The following MAP6 variants were observed in gnomAD, a reference collection of about 807,000 sequenced individuals.
MAP6 encodes microtubule-associated protein 6.
Under a neutral mutation model 42.4 loss-of-function variants are expected in MAP6, and 26 were observed. The observed-to-expected ratio is 0.61, with a 90% CI of 0.45 to 0.85. MAP6 has a LOEUF of 0.85. Among genes scored for constraint, MAP6 ranks in the 40% least tolerant of loss-of-function variants. The probability of loss-of-function intolerance (pLI) is 0.00; values close to 1 mark genes in which losing one functional copy is unlikely to be tolerated. For missense variants in MAP6, 966 were observed against 1,099.0 expected (o/e 0.88, Z 1.71); for synonymous variants, 418 against 443.8 (o/e 0.94, Z 0.73).
At chr11:75,621,325 A>G (rs773836065) in intron 1 of MAP6, among the ~76,000 whole-genome samples, 38 of 152,118 alleles carry the variant, frequency 2.5e-4, no homozygotes, top group Non-Finnish European at 4.0e-4. Context: ...AAAAAAAAAG[A>G]AAGAAAGAAA....
intron 3 of MAP6, chr11:75,603,165 A>C: frequency 4.1e-6 from 4 of 985,532 alleles, no homozygotes; most frequent in Non-Finnish European, 4.8e-6. Context: ...TGCTGAGGGA[A>C]GCCAATGCGC....
intron 1 of MAP6, among the ~76,000 whole-genome samples, chr11:75,617,419 G>A (rs1395206445): frequency 6.6e-6 from 1 of 150,764 alleles, no homozygotes; most frequent in Non-Finnish European, 1.5e-5. Flanking sequence ...AGGAGGCTGA[G>A]GCAGGAGAAT....
chr11:75,668,198 C>T lies in MAP6; in HGVS notation c.172G>A (p.Ala58Thr), dbSNP rs1317256927. 2 of 1,256,450 alleles carry T rather than the reference C, an allele frequency of 1.6e-6. No homozygotes were observed. The highest frequency in any genetic ancestry group is 4.3e-5 in the Admixed American group (1 of 23,172). 77.8% of individuals were successfully genotyped at this position (1,256,450 alleles called of 1,614,324 possible). A position where few individuals can be genotyped will look rare whatever the true frequency, so the allele number is the denominator to read the frequency against. The change falls in exon 1 of 4, where the codon GCG (alanine) becomes ACG (threonine). Residue 58 changes from alanine (A) to threonine (T), a missense_variant. Around this residue, in one of 2 missense-constraint regions of MAP6, gnomAD observed 943 missense variants for 1,049.9 expected, o/e 0.90. Coordinates refer to ENST00000304771, the MANE Select transcript of MAP6 (RefSeq NM_033063.2). ...GCAACCGCGCGCGCCGAGGGGGGCG[C>T]GAGCGCCGGCTGCGCCTGCTGCTGC... ...PPQQQAQPAL[A>T]PPSARAVAIE...
intron 2 of MAP6, 108 bp from the exon 3 acceptor site, chr11:75,606,112 G>C (rs1222704035): frequency 7.5e-7 from 1 of 1,339,348 alleles, no homozygotes; most frequent in African/African-American, 1.5e-5. Flanking sequence ...TAATGACAGA[G>C]GTTGGCTCAG....
At chr11:75,650,356 G>A (rs1943627500) in intron 1 of MAP6, among the ~76,000 whole-genome samples, 2 of 152,252 alleles carry the variant, frequency 1.3e-5, no homozygotes, top group South Asian at 4.1e-4. Flanking sequence ...TCCTCACCTA[G>A]GTTAGCCTGT....
chr11:75,601,607 T>C (rs1942664177), intron 3 of MAP6, among the ~76,000 whole-genome samples: 1 of 152,096 alleles, frequency 6.6e-6, no homozygotes, highest in South Asian at 2.1e-4. Flanking sequence ...GGATCTGTAG[T>C]GTTGCCTGAC....
At chr11:75,620,891 G>A (rs1369643416) in intron 1 of MAP6, among the ~76,000 whole-genome samples, 1 of 152,200 alleles carries the variant, frequency 6.6e-6, no homozygotes, top group Non-Finnish European at 1.5e-5. Context: ...GGCACTCTGG[G>A]AGGCTGAGGC....
At chr11:75,620,802 C>G (rs1165779500) in intron 1 of MAP6, among the ~76,000 whole-genome samples, 1 of 152,114 alleles carries the variant, frequency 6.6e-6, no homozygotes, top group Non-Finnish European at 1.5e-5. Context: ...GAATAAAGAA[C>G]AAAAACCATA....
chr11:75,644,588 G>A (rs1943525398), intron 1 of MAP6, among the ~76,000 whole-genome samples: 1 of 152,106 alleles, frequency 6.6e-6, no homozygotes. Flanking sequence ...AGATGTGCCT[G>A]ATACCAAAGT....
At chr11:75,637,926 A>G (rs1943398258) in intron 1 of MAP6, among the ~76,000 whole-genome samples, 1 of 151,988 alleles carries the variant, frequency 6.6e-6, no homozygotes, top group Admixed American at 6.6e-5. Flanking sequence ...GAAAGAAGGA[A>G]AGAAGGAAGG....
In MAP6 at chr11:75,668,420, A is replaced by G; in HGVS notation, c.-51T>C. ...TCTTTCTTCTTGTGGTTCTAAAGCA[A>G]GTCTCTATAATCTTCCTTCAGCCTC... is the stretch of plus-strand genomic sequence containing the variant. On this transcript the variant is annotated 5_prime_UTR_variant, in exon 1 of 4. Coordinates refer to ENST00000304771, the MANE Select transcript of MAP6 (RefSeq NM_033063.2). 1 of 1,544,118 alleles carries G rather than the reference A, an allele frequency of 6.5e-7. No homozygotes were observed. Among genetic ancestry groups the G allele is most frequent in the Non-Finnish European group, 8.7e-7 (1 of 1,151,996 alleles).
intron 1 of MAP6, among the ~76,000 whole-genome samples, chr11:75,615,120 G>A (rs73488426): frequency 0.011 from 1,717 of 152,292 alleles, 40 homozygotes; most frequent in African/African-American, 0.04. Flanking sequence ...CAAGCCTTTC[G>A]GAAGTGCAGA....
Position 75,620,901 on chromosome 11 carries a change from C to T in MAP6, c.906-12579G>A, listed in dbSNP as rs764636377. On this transcript the variant is annotated intron_variant, in intron 1 of 3. Transcript: ENST00000304771. ...ATCCCGGCACTCTGGGAGGCTGAGG[C>T]GGGTGGATCATGAGGTCAGGAGATA... Among the ~76,000 whole-genome samples, 188 of 152,066 alleles carry T rather than the reference C, an allele frequency of 1.2e-3. 2 individuals carry two copies. The highest frequency in any genetic ancestry group is 1.4e-3 in the Non-Finnish European group (92 of 67,992).
At chr11:75,627,738 G>A (rs956725970) in intron 1 of MAP6, among the ~76,000 whole-genome samples, 1 of 152,198 alleles carries the variant, frequency 6.6e-6, no homozygotes, top group African/African-American at 2.4e-5. Flanking sequence ...TCGTTTTACA[G>A]ATGAGGAAAC....
In MAP6 at chr11:75,606,007, G is replaced by A. The variant is rs376393054; in HGVS notation, c.1120-3C>T. 89 of 1,613,098 alleles carry A rather than the reference G, an allele frequency of 5.5e-5. 2 individuals are homozygous for A. The Middle Eastern group carries it at 2.8e-3, about 51-fold the overall frequency. On this transcript the variant is annotated splice_polypyrimidine_tract_variant and splice_region_variant and intron_variant, in intron 2 of 3. Coordinates refer to ENST00000304771, the MANE Select transcript of MAP6 (RefSeq NM_033063.2). ...CTCTGAACACTAGGTTTTTCCACCT[G>A]TACGGAGAGACAGACCGCAAATACA...
At chr11:75,654,267 C>G (rs1039111784) in intron 1 of MAP6, among the ~76,000 whole-genome samples, 24 of 152,296 alleles carry the variant, frequency 1.6e-4, no homozygotes, top group African/African-American at 4.8e-4. Context: ...GCAGGAATTA[C>G]AAGAATGTAT....
Position 75,663,777 on chromosome 11 carries a change from G to A in MAP6, c.905+3688C>T, listed in dbSNP as rs545335311. 3.3e-5 allele frequency among the ~76,000 whole-genome samples: 5 copies of A among 152,352 alleles called. No individual in the cohort carries two copies. In the South Asian group the frequency reaches 1.0e-3, roughly 32 times the overall value. On this transcript the variant is annotated intron_variant, in intron 1 of 3. Transcript: ENST00000304771. ...GGGAAATGGGCAGTTAGGGAATGGG[G>A]CAGTTCTGCACAGCATAAACTAAGT...
chr11:75,605,119 T>C (rs1178473875), intron 3 of MAP6: 1 of 985,260 alleles, frequency 1.0e-6, no homozygotes, highest in African/African-American at 1.7e-5. Flanking sequence ...CTAACCTTCT[T>C]CACCAGCCCT....
At chr11:75,638,497 C>T (rs139731400) in intron 1 of MAP6, 6 of 152,212 alleles carry the variant, frequency 3.9e-5, no homozygotes, top group African/African-American at 9.6e-5. Flanking sequence ...TGGGGAGAAA[C>T]GATCCACTTA....
Sources: allele counts gnomAD v4.1 joint callset (sites outside exome capture counted in the v4.1 genomes callset), GRCh38; gene constraint gnomAD v4.1.1; regional missense constraint gnomAD v4.1.1; transcripts MANE v1.5; gene names NCBI Gene and HGNC (gene_info 2026-07-23, HGNC 2026-07-21).